Variants in SPNS3 observed in about 807,000 individuals in gnomAD.
The protein encoded by SPNS3 is protein spinster homolog 3.
Under a neutral mutation model 54.4 loss-of-function variants are expected in SPNS3, and 51 were observed. That is an observed-to-expected ratio of 0.94 (90% confidence interval 0.75 to 1.18). The LOEUF (loss-of-function observed/expected upper bound fraction) is 1.18, where lower values mean the gene tolerates loss of function less well. SPNS3 is among the 50% of genes most tolerant of loss of function. The probability of loss-of-function intolerance (pLI) is 0.00; values close to 1 mark genes in which losing one functional copy is unlikely to be tolerated. For missense variants in SPNS3, 669 were observed against 677.4 expected (o/e 0.99, Z 0.14); for synonymous variants, 309 against 294.7 (o/e 1.05, Z -0.50).
At chr17:4,436,390 C>T (rs1460221061) in intron 1 of SPNS3, among the ~76,000 whole-genome samples, 11 of 151,964 alleles carry the variant, frequency 7.2e-5, no homozygotes, top group Admixed American at 3.3e-4. Context: ...GTCAGGAGTT[C>T]GAGACCAGCC....
intron 8 of SPNS3, among the ~76,000 whole-genome samples, chr17:4,467,143 G>A (rs917255953): frequency 3.9e-5 from 6 of 152,126 alleles, no homozygotes; most frequent in African/African-American, 1.4e-4. Flanking sequence ...CAGAGGCGAT[G>A]AAGTCAGAGG....
At chr17:4,464,444 T>G (rs1441536786) in intron 8 of SPNS3, among the ~76,000 whole-genome samples, 1 of 151,948 alleles carries the variant, frequency 6.6e-6, no homozygotes, top group Admixed American at 6.6e-5. Context: ...CCCCCTTAGG[T>G]GGGCTTTGTG....
chr17:4,453,290 TTATG>T, intron 8 of SPNS3, 85 bp downstream of exon 8: 1 of 1,217,154 alleles, frequency 8.2e-7, no homozygotes, highest in East Asian at 2.3e-5. Flanking sequence ...CGCCCGGCCT[TTATG>T]TACAATTATG....
chr17:4,458,556 T>TC (rs376700025), intron 8 of SPNS3, among the ~76,000 whole-genome samples: 15,230 of 102,324 alleles, frequency 0.15, 2,934 homozygotes, highest in Admixed American at 0.26. Flanking sequence ...TTCCTTCCTT[T>TC]CTTCCTTCCC....
intron 8 of SPNS3, among the ~76,000 whole-genome samples, chr17:4,472,533 G>A (rs1971881341): frequency 6.6e-6 from 1 of 152,194 alleles, no homozygotes; most frequent in Non-Finnish European, 1.5e-5. Context: ...ATTACTGGAT[G>A]CATTCCCTTC....
At chr17:4,474,455 C>T (rs774294090) in intron 8 of SPNS3, among the ~76,000 whole-genome samples, 13 of 152,136 alleles carry the variant, frequency 8.5e-5, no homozygotes, top group Non-Finnish European at 1.6e-4. Context: ...CCAGGGGATA[C>T]TGGCCTTCTC....
chr17:4,479,885 G>A (rs796889633), intron 9 of SPNS3, among the ~76,000 whole-genome samples: 5 of 152,282 alleles, frequency 3.3e-5, no homozygotes, highest in African/African-American at 1.2e-4. Context: ...GGTGAAATGA[G>A]AAGATCCATC....
intron 1 of SPNS3, among the ~76,000 whole-genome samples, chr17:4,438,196 G>T (rs1342881272): frequency 6.6e-6 from 1 of 152,136 alleles, no homozygotes; most frequent in Non-Finnish European, 1.5e-5. Context: ...GTTTCTGCGG[G>T]GACCCACTTG....
chr17:4,482,164 G>A (rs1226199841), intron 9 of SPNS3: 1 of 152,364 alleles, frequency 6.6e-6, no homozygotes, highest in Non-Finnish European at 1.5e-5. Context: ...GGGATTATAG[G>A]TGTGAGCCAC....
At chr17:4,487,348 C>T (rs1457429605) in intron 11 of SPNS3, among the ~76,000 whole-genome samples, 1 of 152,228 alleles carries the variant, frequency 6.6e-6, no homozygotes, top group East Asian at 1.9e-4. Context: ...TGGGAATGCA[C>T]CTGATATGTT....
rs1284187091 is a variant in SPNS3 at position 4,449,276 on chromosome 17, C to A, written c.812C>A (p.Ala271Asp). The A allele has an allele frequency of 2.5e-6, 4 of 1,612,570 alleles. No homozygotes were observed. Among genetic ancestry groups the A allele is most frequent in the Non-Finnish European group, 3.4e-6 (4 of 1,179,924 alleles). ...VWSTLGVTAM[A>D]FVTGALGFWA... ...TCGACCCTCGGAGTGACCGCCATGG[C>A]CTTTGTGACTGGAGCCCTGGGGTTC... Residue 271 changes from alanine to aspartate, a missense_variant, in exon 7 of 12, where the codon GCC becomes GAC. Transcript: ENST00000355530.
In SPNS3 at chr17:4,486,110, C is replaced by T; in HGVS notation, c.1180-118C>T. ...AGACCTTGGGGACCGTCGACTCCCT[C>T]CCATCCCACTCACCTGAATGGCCTG... On this transcript the variant is annotated intron_variant, in intron 9 of 11. Coordinates refer to ENST00000355530, the MANE Select transcript of SPNS3 (RefSeq NM_182538.5). This position sits in a 1 kb window ranked among gnomAD's most constrained non-coding sequence, Gnocchi z 5.5. The T allele has an allele frequency of 1.2e-6, 1 of 841,864 alleles. No homozygotes were observed. Among genetic ancestry groups the T allele is most frequent in the Non-Finnish European group, 1.7e-6 (1 of 576,346 alleles). 52.1% of individuals were successfully genotyped at this position (841,864 alleles called of 1,614,324 possible). A position where few individuals can be genotyped will look rare whatever the true frequency, so the allele number is the denominator to read the frequency against.
chr17:4,439,583 C>T, intron 1 of SPNS3, 75 bp from the exon 2 acceptor site: 2 of 1,463,910 alleles, frequency 1.4e-6, no homozygotes, highest in Non-Finnish European at 1.9e-6. Context: ...GGCCCTGTGC[C>T]AAACCTGGAG....
intron 9 of SPNS3, chr17:4,482,047 C>G (rs867536531): frequency 1.3e-5 from 2 of 152,228 alleles, no homozygotes; most frequent in African/African-American, 4.8e-5. Flanking sequence ...CGCCACCACG[C>G]CCAGCTAATT....
intron 9 of SPNS3, among the ~76,000 whole-genome samples, chr17:4,480,055 A>G (rs1056520969): frequency 2.0e-5 from 3 of 152,234 alleles, no homozygotes; most frequent in Non-Finnish European, 2.9e-5. Flanking sequence ...ACCCTGCTTG[A>G]ATACTACTGT....
At chr17:4,482,023 G>A (rs1972168227) in intron 9 of SPNS3, 1 of 152,280 alleles carries the variant, frequency 6.6e-6, no homozygotes, top group South Asian at 2.1e-4. Context: ...TGAATAGCTG[G>A]GACTACAGGC....
At chr17:4,485,458 T>C (rs1421673348) in intron 9 of SPNS3, among the ~76,000 whole-genome samples, 1 of 151,604 alleles carries the variant, frequency 6.6e-6, no homozygotes, top group African/African-American at 2.4e-5. Context: ...ATTGCAGTGG[T>C]ACGATCTCAG....
chr17:4,443,750 TA>T (rs1970911067), intron 2 of SPNS3, among the ~76,000 whole-genome samples: 1 of 152,142 alleles, frequency 6.6e-6, no homozygotes, highest in Non-Finnish European at 1.5e-5. Flanking sequence ...AAAACAAATA[TA>T]AAAGACTATG....
chr17:4,463,261 G>A (rs1381712149), intron 8 of SPNS3, among the ~76,000 whole-genome samples: 1 of 151,150 alleles, frequency 6.6e-6, no homozygotes, highest in African/African-American at 2.4e-5. Context: ...AGCCAGGCAT[G>A]GTGGTGGCAC....
Sources: allele counts gnomAD v4.1 joint callset (sites outside exome capture counted in the v4.1 genomes callset), GRCh38; gene constraint gnomAD v4.1.1; non-coding constraint Gnocchi (gnomAD v3.1); transcripts MANE v1.5; gene names NCBI Gene and HGNC (gene_info 2026-07-23, HGNC 2026-07-21).